UNC79: variants seen among roughly 807,000 people sequenced by gnomAD.
The protein encoded by UNC79 is protein unc-79 homolog.
Under a neutral mutation model 283.1 loss-of-function variants are expected in UNC79, and 37 were observed. That is an observed-to-expected ratio of 0.13 (90% CI 0.10 to 0.17). The LOEUF (loss-of-function observed/expected upper bound fraction) is 0.17. UNC79 is among the 10% of genes least tolerant of loss of function. The pLI is 1.00. For synonymous variants in UNC79, 1,107 were observed against 1,200.2 expected (o/e 0.92, Z 1.61); for missense variants, 2,272 against 3,211.1 (o/e 0.71, Z 7.07).
intron 35 of UNC79, 40 bp downstream of exon 38, chr14:93,646,686 TC>T: frequency 6.2e-7 from 1 of 1,607,950 alleles, no homozygotes; most frequent in Non-Finnish European, 8.5e-7. Context: ...CTTTCTTTTC[TC>T]CTCTGTGCAT....
intron 1 of UNC79, among the ~76,000 whole-genome samples, chr14:93,365,616 A>G (rs1439445248): frequency 1.3e-5 from 2 of 152,176 alleles, no homozygotes; most frequent in Non-Finnish European, 2.9e-5. Context: ...AAATATAATT[A>G]TTAAGATGAA....
chr14:93,477,535 G>T (rs1185514430), intron 3 of UNC79, 23 bp from the exon 4 acceptor site: 6 of 1,553,370 alleles, frequency 3.9e-6, no homozygotes, highest in Non-Finnish European at 5.2e-6. Flanking sequence ...TTCAGTGACT[G>T]ATTACTCAAT....
At chr14:93,493,189 A>AG (rs1418779401) in intron 5 of UNC79, among the ~76,000 whole-genome samples, 3 of 151,902 alleles carry the variant, frequency 2.0e-5, no homozygotes, top group Non-Finnish European at 2.9e-5. Flanking sequence ...AAGGCCTACA[A>AG]GGGGGGGCGG....
chr14:93,464,459 G>T (rs1269703114), intron 1 of UNC79: 1 of 452,588 alleles, frequency 2.2e-6, no homozygotes, highest in African/African-American at 2.0e-5. Flanking sequence ...ATTGGATTAG[G>T]GTCCACCACG....
chr14:93,466,861 A>C, intron 1 of UNC79: 1 of 985,400 alleles, frequency 1.0e-6, no homozygotes, highest in Non-Finnish European at 1.2e-6. Context: ...GCCAGGTCAA[A>C]GGTCAGGTCA....
chr14:93,634,363 C>T (rs539341834), intron 31 of UNC79, among the ~76,000 whole-genome samples, 158 bp from the exon 34 acceptor site: 1 of 152,314 alleles, frequency 6.6e-6, no homozygotes, highest in East Asian at 1.9e-4. Flanking sequence ...TCCGGAACAG[C>T]AGAGTACCTT....
At chr14:93,544,433 C>T (rs997331081) in intron 14 of UNC79, among the ~76,000 whole-genome samples, 3 of 152,206 alleles carry the variant, frequency 2.0e-5, no homozygotes, top group East Asian at 3.9e-4. Flanking sequence ...AACTCCCTTT[C>T]GGGGGGGTTA....
chr14:93,372,401 G>A (rs945113402), intron 1 of UNC79, among the ~76,000 whole-genome samples: 4 of 152,244 alleles, frequency 2.6e-5, no homozygotes, highest in African/African-American at 4.8e-5. Context: ...ACCAGAAGAC[G>A]TGACCCAACT....
intron 14 of UNC79, among the ~76,000 whole-genome samples, chr14:93,548,075 C>A (rs1212858003): frequency 6.6e-6 from 1 of 152,166 alleles, no homozygotes; most frequent in Non-Finnish European, 1.5e-5. Flanking sequence ...GTCTTTGTTT[C>A]TGTCTTAGTT....
chr14:93,422,872 A>G (rs1424432230), intron 1 of UNC79, among the ~76,000 whole-genome samples: 1 of 151,900 alleles, frequency 6.6e-6, no homozygotes, highest in Admixed American at 6.6e-5. Context: ...CATCCTGGCT[A>G]ACACGGTGAA....
chr14:93,707,035 T>G (rs2141124427), downstream of UNC79: 1 of 1,167,612 alleles, frequency 8.6e-7, no homozygotes, highest in South Asian at 1.6e-5. Context: ...GTAAAAGATG[T>G]GCAAAGGCCA....
intron 28 of UNC79, 120 bp from the exon 30 acceptor site, chr14:93,618,072 C>G: frequency 9.5e-7 from 1 of 1,057,736 alleles, no homozygotes; most frequent in Non-Finnish European, 1.3e-6. Context: ...ACTTCTCTCT[C>G]TCTCTCATAT....
chr14:93,622,644 A>T, exon 30 of UNC79: 2 of 1,614,218 alleles, frequency 1.2e-6, no homozygotes, highest in Non-Finnish European at 1.7e-6. Flanking sequence ...GAGAAGCCTG[A>T]TACCAGTGCA....
chr14:93,566,819 A>G (rs575056635), intron 14 of UNC79, among the ~76,000 whole-genome samples: 33 of 151,982 alleles, frequency 2.2e-4, no homozygotes, highest in Non-Finnish European at 8.8e-5. Flanking sequence ...GTATTTCACC[A>G]TGTTGGCAAG....
chr14:93,544,647 A>G (rs766641117), intron 14 of UNC79, among the ~76,000 whole-genome samples: 1 of 152,198 alleles, frequency 6.6e-6, no homozygotes, highest in Non-Finnish European at 1.5e-5. Context: ...GTTGATTTCT[A>G]TAGAGGGAAG....
In UNC79 at chr14:93,617,412, C is replaced by G; in HGVS notation, c.4224+108C>G. The G allele has an allele frequency of 8.2e-7, 1 of 1,225,942 alleles. No homozygotes were observed. The highest frequency in any genetic ancestry group is 1.1e-6 in the Non-Finnish European group (1 of 894,682). The allele number at this position is 1,225,942 out of a possible 1,614,324, so 75.9% of individuals were successfully genotyped here. A position where few individuals can be genotyped will look rare whatever the true frequency, so the allele number is the denominator to read the frequency against. On this transcript the variant is annotated intron_variant, in intron 28 of 48. Transcript: ENST00000555664. This position sits in a 1 kb window ranked among gnomAD's most constrained non-coding sequence, Gnocchi z 4.5. ...GTTGAAAATTTTGTAGAAGTTTGAC[C>G]TTCAGAAGGAAGATCAGGATATGCA...
chr14:93,560,778 C>T (rs2062497511), intron 14 of UNC79, among the ~76,000 whole-genome samples: 2 of 151,896 alleles, frequency 1.3e-5, no homozygotes, highest in African/African-American at 2.4e-5. Flanking sequence ...ACTGGAAATG[C>T]AAAGTAAAAA....
chr14:93,574,196 T>C (rs1226728003), intron 16 of UNC79, among the ~76,000 whole-genome samples: 1 of 44,442 alleles, frequency 2.3e-5, no homozygotes, highest in African/African-American at 4.6e-5. Context: ...CATACAGCTT[T>C]GTCCCCCCCT....
intron 1 of UNC79, among the ~76,000 whole-genome samples, chr14:93,433,254 T>C (rs889102930): frequency 1.3e-5 from 2 of 152,098 alleles, no homozygotes; most frequent in Non-Finnish European, 2.9e-5. Context: ...TAAATGGGAG[T>C]AGGCTGTGGA....
Sources: allele counts gnomAD v4.1 joint callset (sites outside exome capture counted in the v4.1 genomes callset), GRCh38; gene constraint gnomAD v4.1.1; non-coding constraint Gnocchi (gnomAD v3.1); transcripts MANE v1.5; gene names NCBI Gene and HGNC (gene_info 2026-07-23, HGNC 2026-07-21).